Variants in ERG observed in about 807,000 individuals in gnomAD.
The protein encoded by ERG is transcriptional regulator ERG.
A neutral mutation model predicts 55.3 loss-of-function variants in ERG; 9 were observed. That is an observed-to-expected ratio of 0.16 (90% CI 0.10 to 0.28). The LOEUF is 0.28. Ranked by LOEUF, ERG falls within the 10% of genes least tolerant of loss-of-function variation. The probability of loss-of-function intolerance (pLI) is 1.00; values close to 1 mark genes in which losing one functional copy is unlikely to be tolerated. For synonymous variants in ERG, 223 were observed against 237.3 expected, an observed-to-expected ratio of 0.94 and a Z score of 0.55; for missense variants, 434 against 631.6, an observed-to-expected ratio of 0.69 and a Z score of 3.35.
At chr21:38,649,270 G>A (rs545015874) in intron 1 of ERG, among the ~76,000 whole-genome samples, 3 of 152,242 alleles carry the variant, frequency 2.0e-5, no homozygotes, top group Admixed American at 6.5e-5. Context: ...CCCCTGTGGC[G>A]CTGCAGCTGA....
At chr21:38,474,804 G>C (rs566123070) in intron 1 of ERG, among the ~76,000 whole-genome samples, 4 of 151,582 alleles carry the variant, frequency 2.6e-5, no homozygotes, top group Non-Finnish European at 4.4e-5. Flanking sequence ...CTACAAAAAT[G>C]TCTCTAGATT....
At chr21:38,661,192 G>A (rs1448483692) in intron 1 of ERG, among the ~76,000 whole-genome samples, 1 of 151,830 alleles carries the variant, frequency 6.6e-6, no homozygotes, top group East Asian at 2.0e-4. Context: ...GTGTGGGAGG[G>A]GGAGCCGCGG....
In ERG at chr21:38,445,606, C is replaced by T. The variant is rs2058884989; in HGVS notation, c.34G>A (p.Val12Met). Residue 12 changes from valine (V) to methionine (M), a missense_variant, in exon 2 of 10, where the codon GTG (valine) becomes ATG (methionine). Coordinates refer to ENST00000288319, the MANE Select transcript of ERG (RefSeq NM_182918.4). Reference protein sequence around the residue: ...ASTIKEALSVVSEDQSLFECA... With the variant: ...ASTIKEALSVMSEDQSLFECA... ...TCAAACAACGACTGGTCCTCACTCA[C>T]AACTGATAAGGCTTCCTGAATGCCC... 6.2e-7 allele frequency: 1 copy of T among 1,614,028 alleles called. No individual in the cohort carries two copies. Among genetic ancestry groups the T allele is most frequent in the Non-Finnish European group, 8.5e-7 (1 of 1,179,968 alleles).
At chr21:38,379,984 A>G, downstream of ERG, 1 of 1,003,940 alleles carries the variant, frequency 1.0e-6, no homozygotes. Flanking sequence ...AGTCAACAAG[A>G]TTTCTTTAAA....
intron 2 of ERG, among the ~76,000 whole-genome samples, chr21:38,439,619 C>G (rs918932769): frequency 6.6e-6 from 1 of 152,226 alleles, no homozygotes; most frequent in Admixed American, 6.5e-5. Context: ...ACACAACGTG[C>G]AATTAGATTA....
intron 2 of ERG, among the ~76,000 whole-genome samples, chr21:38,440,820 A>C (rs577939207): frequency 4.9e-4 from 72 of 148,350 alleles, no homozygotes; most frequent in African/African-American, 1.6e-3. Context: ...AAAAGCCCAC[A>C]GTGAGTCAGC....
chr21:38,370,722 C>A, the ERG span, among the ~76,000 whole-genome samples: 1 of 151,942 alleles, frequency 6.6e-6, no homozygotes, highest in African/African-American at 2.4e-5. Context: ...CTGATTATAT[C>A]AAGTATGCAT....
chr21:38,660,235 A>G (rs1287804625), intron 1 of ERG, among the ~76,000 whole-genome samples: 1 of 152,080 alleles, frequency 6.6e-6, no homozygotes, highest in Non-Finnish European at 1.5e-5. Context: ...AGGACAAATA[A>G]CCTCTTGGTC....
At position 38,383,295 on chromosome 21, in the gene ERG, A is replaced by G. The variant is rs1018333446; in HGVS notation, c.*108T>C. On this transcript the variant is annotated 3_prime_UTR_variant, in exon 10 of 10. Coordinates refer to ENST00000288319, the MANE Select transcript of ERG (RefSeq NM_182918.4). The surrounding 1 kb of genome is among the most constrained non-coding windows in gnomAD (Gnocchi z 5.7). ...CCCGGCTTCCTTCCCCAGCCCCAGT[A>G]AAGCTTTTTTCATTCCTCTTGAGGC... 71 of 1,334,204 alleles carry G rather than the reference A, an allele frequency of 5.3e-5. No homozygotes were observed. The highest frequency in any genetic ancestry group is 6.7e-5 in the Non-Finnish European group (70 of 1,038,688). The allele number at this position is 1,334,204 out of a possible 1,614,324, so 82.6% of individuals were successfully genotyped here.
chr21:38,493,721 C>T (rs564872365), intron 1 of ERG, among the ~76,000 whole-genome samples: 5 of 152,154 alleles, frequency 3.3e-5, no homozygotes, highest in African/African-American at 1.2e-4. Flanking sequence ...CCACCTCGGG[C>T]GACCCCTGGA....
At chr21:38,520,493 A>C in intron 2 of ERG, among the ~76,000 whole-genome samples, 1 of 152,198 alleles carries the variant, frequency 6.6e-6, no homozygotes, top group East Asian at 1.9e-4. Context: ...GATCCTACTG[A>C]GGAGTTTGAA....
At chr21:38,372,032 A>C in the ERG span, among the ~76,000 whole-genome samples, 1 of 152,168 alleles carries the variant, frequency 6.6e-6, no homozygotes, top group South Asian at 2.1e-4. Context: ...TGGCTGTAAG[A>C]TCATTCAGGT....
At chr21:38,657,724 A>G (rs931251810) in intron 1 of ERG, among the ~76,000 whole-genome samples, 1 of 152,200 alleles carries the variant, frequency 6.6e-6, no homozygotes, top group Admixed American at 6.5e-5. Flanking sequence ...AACTGCTTTC[A>G]ATCAATCATT....
chr21:38,658,961 T>C (rs1288204034), intron 1 of ERG, among the ~76,000 whole-genome samples: 1 of 152,204 alleles, frequency 6.6e-6, no homozygotes, highest in South Asian at 2.1e-4. Context: ...TAATTCCTCA[T>C]GAAATAACAG....
intron 1 of ERG, among the ~76,000 whole-genome samples, chr21:38,461,657 G>T (rs2059043756): frequency 6.6e-6 from 1 of 152,188 alleles, no homozygotes; most frequent in Non-Finnish European, 1.5e-5. Flanking sequence ...AAGCAGATCT[G>T]AGAATCCAGC....
chr21:38,633,828 G>A (rs916140000), intron 1 of ERG, among the ~76,000 whole-genome samples: 3 of 151,348 alleles, frequency 2.0e-5, no homozygotes, highest in Non-Finnish European at 4.4e-5. Flanking sequence ...GGTTTTAAAG[G>A]TCCTTCTTTT....
intron 1 of ERG, among the ~76,000 whole-genome samples, chr21:38,483,653 C>A (rs1343970593): frequency 1.3e-5 from 2 of 151,922 alleles, no homozygotes; most frequent in Non-Finnish European, 2.9e-5. Context: ...TTGAGACCAT[C>A]CTGGCTAACA....
intron 2 of ERG, among the ~76,000 whole-genome samples, chr21:38,545,173 C>G (rs1032302119): frequency 6.6e-6 from 1 of 152,210 alleles, no homozygotes; most frequent in African/African-American, 2.4e-5. Context: ...GAAAACCTTC[C>G]TTTCTGCTGC....
intron 7 of ERG, among the ~76,000 whole-genome samples, chr21:38,391,955 T>TA (rs34250716): frequency 0.23 from 32,607 of 141,778 alleles, 4,021 homozygotes; most frequent in South Asian, 0.36. Context: ...TTTCCAAAAG[T>TA]AAAAAAAAAA....
Sources: gnomAD v4.1 joint callset for allele counts (sites outside exome capture counted in the v4.1 genomes callset) on GRCh38, gnomAD v4.1.1 for gene constraint, Gnocchi (gnomAD v3.1) non-coding constraint, MANE v1.5 for transcripts, NCBI Gene and HGNC (gene_info 2026-07-23, HGNC 2026-07-21) for gene names.